Variants in SLC35F2 observed in about 807,000 individuals in gnomAD.
SLC35F2 encodes the protein solute carrier family 35 member F2.
A neutral mutation model predicts 38.1 loss-of-function variants in SLC35F2; 25 were observed. The observed-to-expected ratio is 0.66, with a 90% CI of 0.48 to 0.92. SLC35F2 has a LOEUF of 0.92. Ranked by LOEUF, SLC35F2 falls within the 40% of genes least tolerant of loss-of-function variation. SLC35F2 has a pLI of 0.00. For synonymous variants in SLC35F2, 173 were observed against 181.7 expected (o/e 0.95, Z 0.38); for missense variants, 409 against 452.9 (o/e 0.90, Z 0.88).
chr11:107,806,993 A>C (rs1859403151), intron 3 of SLC35F2, 117 bp from the exon 4 acceptor site: 8 of 882,548 alleles, frequency 9.1e-6, no homozygotes, highest in Non-Finnish European at 1.4e-5. Context: ...TTGAGCATTT[A>C]TTATTGCCAG....
chr11:107,851,927 A>G (rs1482117272), intron 1 of SLC35F2, among the ~76,000 whole-genome samples: 1 of 152,232 alleles, frequency 6.6e-6, no homozygotes, highest in Non-Finnish European at 1.5e-5. Context: ...GCAGGGATAC[A>G]TACCAGCTTG....
rs139087571 is a variant in SLC35F2 at position 107,831,739 on chromosome 11, T to C, written c.111-15774A>G. Among the ~76,000 whole-genome samples, 186 of 152,302 alleles carry C rather than the reference T, an allele frequency of 1.2e-3. 4 individuals are homozygous for C. Among genetic ancestry groups the C allele is most frequent in the African/African-American group, 4.2e-3 (174 of 41,570 alleles). On this transcript the variant is annotated intron_variant, in intron 1 of 7. Transcript: ENST00000525815. ...AAAAACTACCACCTTTCTTTTCAAG[T>C]GTAAGTGTAAGTTTGAACAGCAAGA...
chr11:107,822,965 T>G (rs577335578), intron 1 of SLC35F2, among the ~76,000 whole-genome samples: 1 of 152,098 alleles, frequency 6.6e-6, no homozygotes, highest in African/African-American at 2.4e-5. Flanking sequence ...GACACAATGA[T>G]GGGATGCATT....
chr11:107,811,578 A>C, intron 3 of SLC35F2, 89 bp downstream of exon 3: 2 of 1,274,306 alleles, frequency 1.6e-6, no homozygotes, highest in Non-Finnish European at 2.2e-6. Context: ...AAGTGAATAG[A>C]TTTTCAATAA....
chr11:107,839,741 C>G (rs1859986962), intron 1 of SLC35F2, among the ~76,000 whole-genome samples: 1 of 152,118 alleles, frequency 6.6e-6, no homozygotes, highest in East Asian at 1.9e-4. Context: ...GCAACCTCTG[C>G]CTCCTGGGTT....
rs550992360 is a variant in SLC35F2 at position 107,852,550 on chromosome 11, C to CAA, written c.110+6106_110+6107dup. ...GGAGCAACAGTGCGAGACTCCACCTCAAAAAAAAAAAAAAAATACAAAATA... is the reference window on the plus strand; with the variant it reads ...GGAGCAACAGTGCGAGACTCCACCTCAAAAAAAAAAAAAAAAAATACAAAATA... On this transcript the variant is annotated intron_variant, in intron 1 of 7. Coordinates refer to ENST00000525815, the MANE Select transcript of SLC35F2 (RefSeq NM_017515.5). Among the ~76,000 whole-genome samples the CAA allele has an allele frequency of 2.7e-4, 16 of 58,444 alleles. No homozygotes were observed. The Admixed American group carries it at 3.6e-3, about 13-fold the overall frequency. The allele number at this position is 58,444 out of a possible 152,430, so 38.3% of individuals were successfully genotyped here. A position where few individuals can be genotyped will look rare whatever the true frequency, so the allele number is the denominator to read the frequency against.
chr11:107,815,389 TAA>T (rs1555083773), intron 2 of SLC35F2, among the ~76,000 whole-genome samples: 22 of 95,290 alleles, frequency 2.3e-4, no homozygotes, highest in Admixed American at 4.4e-4. Flanking sequence ...ATCTCTAAAA[TAA>T]AAAAAAAAAA....
rs2134751770 is a variant in SLC35F2 at position 107,792,410 on chromosome 11, AAC to A, written c.*203_*204del. On this transcript the variant is annotated 3_prime_UTR_variant, in exon 8 of 8. Transcript: ENST00000525815. ...ACAGATATTGGTCCTCAAACACAGA[AAC>A]ACACTCTTAGCTTGGTTTCTGCTCT... The A allele has an allele frequency of 3.6e-6, 2 of 560,984 alleles. No individual in the cohort carries two copies. The highest frequency in any genetic ancestry group is 3.3e-5 in the East Asian group (1 of 29,978). The allele number at this position is 560,984 out of a possible 1,614,324, so 34.8% of individuals were successfully genotyped here. A position where few individuals can be genotyped will look rare whatever the true frequency, so the allele number is the denominator to read the frequency against.
At chr11:107,845,987 A>ATAAATAAC (rs1490128234) in intron 1 of SLC35F2, among the ~76,000 whole-genome samples, 4 of 151,264 alleles carry the variant, frequency 2.6e-5, no homozygotes, top group South Asian at 2.1e-4. Context: ...AAATAAATAA[A>ATAAATAAC]TAACATAGGC....
intron 1 of SLC35F2, among the ~76,000 whole-genome samples, chr11:107,816,447 ATTTTT>A (rs5794572): frequency 1.7e-5 from 2 of 118,312 alleles, no homozygotes; most frequent in African/African-American, 3.5e-5. Flanking sequence ...TGCCCAGCTA[ATTTTT>A]TTTTTTTTTT....
intron 1 of SLC35F2, among the ~76,000 whole-genome samples, chr11:107,856,272 C>G (rs1860280033): frequency 6.6e-6 from 1 of 152,168 alleles, no homozygotes; most frequent in Admixed American, 6.5e-5. Context: ...GAATAGAGAG[C>G]TAATGGTGAC....
chr11:107,857,147 G>A (rs573138164), intron 1 of SLC35F2, among the ~76,000 whole-genome samples: 12 of 142,318 alleles, frequency 8.4e-5, no homozygotes, highest in African/African-American at 2.6e-4. Context: ...AAGGGAGGGA[G>A]GGAGACTGGA....
At position 107,805,406 on chromosome 11, in the gene SLC35F2, A is replaced by G. The variant is rs755094554; in HGVS notation, c.684T>C (p.Phe228=). Residue 228 remains phenylalanine, a synonymous_variant, in exon 5 of 8, where the codon TTT becomes TTC. Coordinates refer to ENST00000525815, the MANE Select transcript of SLC35F2 (RefSeq NM_017515.5). The part of the protein sequence containing the change: ...YIVKKLSRQE[F]LGMVGLFGTI... ...TTCCAAACAGGCCCACCATTCCTAA[A>G]AACTCCTGTCTGCTCAGCTTCTTCA... 122 of 1,614,062 alleles carry G rather than the reference A, an allele frequency of 7.6e-5. No homozygotes were observed. The highest frequency in any genetic ancestry group is 9.8e-5 in the Non-Finnish European group (116 of 1,180,036).
chr11:107,807,834 C>T (rs1001515439), intron 3 of SLC35F2, among the ~76,000 whole-genome samples: 4 of 152,168 alleles, frequency 2.6e-5, no homozygotes, highest in African/African-American at 9.7e-5. Context: ...CTCGGCCTCC[C>T]AAAGTGCTGG....
At chr11:107,828,604 T>C (rs905645523) in intron 1 of SLC35F2, among the ~76,000 whole-genome samples, 1 of 152,000 alleles carries the variant, frequency 6.6e-6, no homozygotes, top group Admixed American at 6.6e-5. Flanking sequence ...AATCAAAGAG[T>C]TGATGAAAAG....
chr11:107,812,808 A>G (rs1173379457), intron 2 of SLC35F2, among the ~76,000 whole-genome samples: 1 of 152,188 alleles, frequency 6.6e-6, no homozygotes, highest in African/African-American at 2.4e-5. Context: ...ATGTTTTCCT[A>G]GAAATTAATT....
chr11:107,792,802 T>C lies in SLC35F2; in HGVS notation c.940-2A>G, dbSNP rs753116189. Reference sequence around the variant, plus strand: ...GGACAGGATGTAGAGTCCTGAAAACTAGAAGGGAAGAACAGGCAGTGAATT... The same window carrying C: ...GGACAGGATGTAGAGTCCTGAAAACCAGAAGGGAAGAACAGGCAGTGAATT... On this transcript the variant is annotated splice_acceptor_variant, in intron 7 of 7. Transcript: ENST00000525815. LOFTEE classifies it high-confidence loss of function. 1 of 1,557,182 alleles carries C rather than the reference T, an allele frequency of 6.4e-7. No individual in the cohort carries two copies. The highest frequency in any genetic ancestry group is 1.2e-5 in the South Asian group (1 of 83,168).
At chr11:107,806,625 T>C in intron 4 of SLC35F2, 92 bp downstream of exon 4, 1 of 1,176,396 alleles carries the variant, frequency 8.5e-7, no homozygotes, top group Non-Finnish European at 1.3e-6. Flanking sequence ...TAAAAAGAAA[T>C]ACTCCAGTAA....
At chr11:107,792,835 T>C in intron 7 of SLC35F2, 35 bp from the exon 8 acceptor site, 1 of 1,504,914 alleles carries the variant, frequency 6.6e-7, no homozygotes, top group Admixed American at 2.2e-5. Context: ...ATTGTGCCCC[T>C]CACATACACA....
Sources: allele counts gnomAD v4.1 joint callset (sites outside exome capture counted in the v4.1 genomes callset), GRCh38; gene constraint gnomAD v4.1.1; transcripts MANE v1.5; gene names NCBI Gene and HGNC (gene_info 2026-07-23, HGNC 2026-07-21).